The following OPCML variants were observed in gnomAD, a reference collection of about 807,000 sequenced individuals.
OPCML encodes the protein opioid binding protein/cell adhesion molecule like.
Under a neutral mutation model 37.8 loss-of-function variants are expected in OPCML, and 13 were observed. That is an observed-to-expected ratio of 0.34 (90% CI 0.22 to 0.55). OPCML has a LOEUF of 0.55. Among genes scored for constraint, OPCML ranks in the 20% least tolerant of loss-of-function variants. OPCML has a pLI of 0.91. For synonymous variants in OPCML, 176 were observed against 168.8 expected, an observed-to-expected ratio of 1.04 and a Z score of -0.33; for missense variants, 341 against 435.6, an observed-to-expected ratio of 0.78 and a Z score of 1.93.
chr11:132,515,424 T>C (rs2096277538), intron 4 of OPCML, among the ~76,000 whole-genome samples: 1 of 152,126 alleles, frequency 6.6e-6, no homozygotes, highest in South Asian at 2.1e-4. Context: ...ATACTTTAGG[T>C]GTTCTGTGGG....
chr11:132,972,459 C>T (rs1946366325), intron 1 of OPCML, among the ~76,000 whole-genome samples: 1 of 152,186 alleles, frequency 6.6e-6, no homozygotes, highest in African/African-American at 2.4e-5. Context: ...ATATTCATTG[C>T]TGAGTGAATA....
Position 132,758,058 on chromosome 11 carries a change from C to A in OPCML, c.147-100739G>T, listed in dbSNP as rs1946120466. Among the ~76,000 whole-genome samples the A allele has an allele frequency of 2.6e-5, 4 of 152,286 alleles. No individual in the cohort carries two copies. In the South Asian group the frequency reaches 6.2e-4, roughly 24 times the overall value. On this transcript the variant is annotated intron_variant, in intron 2 of 7. Transcript: ENST00000524381. The stretch of plus-strand genomic sequence containing the variant: ...CAACACCATTTATTAAATAGGGAAT[C>A]CTTTCCCCATTGCTTGTTTTTGTCA...
intron 1 of OPCML, among the ~76,000 whole-genome samples, chr11:133,010,656 G>C (rs977782573): frequency 6.6e-6 from 1 of 152,060 alleles, no homozygotes; most frequent in South Asian, 2.1e-4. Context: ...TCAATGTGTT[G>C]AATAAAGATA....
intron 2 of OPCML, among the ~76,000 whole-genome samples, chr11:132,936,401 T>C (rs1945375445): frequency 6.6e-6 from 1 of 152,176 alleles, no homozygotes; most frequent in East Asian, 1.9e-4. Flanking sequence ...CCTGGACCCG[T>C]AGGCTGTTAA....
At chr11:132,603,161 A>G (rs761791811) in intron 3 of OPCML, among the ~76,000 whole-genome samples, 12 of 151,996 alleles carry the variant, frequency 7.9e-5, no homozygotes, top group Admixed American at 7.2e-4. Context: ...TTCTTCCTAA[A>G]TCTGTATGTC....
intron 2 of OPCML, among the ~76,000 whole-genome samples, chr11:132,933,447 A>G (rs1945274265): frequency 6.6e-6 from 1 of 152,238 alleles, no homozygotes; most frequent in African/African-American, 2.4e-5. Context: ...CAAGTGAAAC[A>G]GCAACTATTT....
intron 1 of OPCML, among the ~76,000 whole-genome samples, chr11:133,011,440 T>C (rs73031597): frequency 0.042 from 6,326 of 151,782 alleles, 203 homozygotes; most frequent in Non-Finnish European, 0.067. Context: ...ATGTATTGCA[T>C]AGATAATTGG....
intron 1 of OPCML, among the ~76,000 whole-genome samples, chr11:132,966,138 A>C (rs1280105866): frequency 2.0e-5 from 3 of 150,912 alleles, no homozygotes; most frequent in Admixed American, 2.0e-4. Flanking sequence ...TTGATTTGAA[A>C]ATTTTTCTCT....
chr11:132,612,256 A>T (rs547379109), intron 3 of OPCML, among the ~76,000 whole-genome samples: 1 of 152,330 alleles, frequency 6.6e-6, no homozygotes, highest in East Asian at 1.9e-4. Context: ...GGAACGAAAC[A>T]GCTCTGGAAG....
chr11:132,612,373 C>T (rs1189171647), intron 3 of OPCML, among the ~76,000 whole-genome samples: 1 of 152,066 alleles, frequency 6.6e-6, no homozygotes, highest in Non-Finnish European at 1.5e-5. Flanking sequence ...AAAATTAATA[C>T]AGCTTTCCAT....
At chr11:132,710,241 G>A (rs923393112) in intron 2 of OPCML, among the ~76,000 whole-genome samples, 3 of 152,028 alleles carry the variant, frequency 2.0e-5, no homozygotes, top group Admixed American at 2.0e-4. Context: ...TGTCTATTAG[G>A]AAGAATTCAG....
At chr11:132,580,864 C>T in intron 3 of OPCML, among the ~76,000 whole-genome samples, 1 of 152,234 alleles carries the variant, frequency 6.6e-6, no homozygotes, top group East Asian at 1.9e-4. Flanking sequence ...TCCATAGGGG[C>T]CTTTCCATCC....
intron 1 of OPCML, among the ~76,000 whole-genome samples, chr11:132,998,358 C>CT (rs1265712627): frequency 2.0e-5 from 3 of 152,166 alleles, no homozygotes; most frequent in Non-Finnish European, 4.4e-5. Context: ...TGTCTTCTCA[C>CT]TTGGGGGGAG....
At chr11:132,491,900 T>C (rs2096217057) in intron 4 of OPCML, among the ~76,000 whole-genome samples, 1 of 150,810 alleles carries the variant, frequency 6.6e-6, no homozygotes, top group South Asian at 2.1e-4. Context: ...GGAGATATTG[T>C]AGGTGGGGTT....
At chr11:132,941,925 G>A (rs1591831597) in intron 2 of OPCML, among the ~76,000 whole-genome samples, 1 of 152,180 alleles carries the variant, frequency 6.6e-6, no homozygotes, top group Non-Finnish European at 1.5e-5. Flanking sequence ...AACCCCCACC[G>A]TCACACTGTC....
At chr11:132,721,960 T>TTTTTC (rs996283576) in intron 2 of OPCML, among the ~76,000 whole-genome samples, 13 of 137,772 alleles carry the variant, frequency 9.4e-5, no homozygotes, top group African/African-American at 3.5e-4. Flanking sequence ...CTTTTTTTTT[T>TTTTTC]TTTTTTTTTT....
chr11:133,492,316 G>C (rs1386946380), intron 1 of OPCML, among the ~76,000 whole-genome samples: 2 of 152,186 alleles, frequency 1.3e-5, no homozygotes, highest in Admixed American at 1.3e-4. Flanking sequence ...CTGAATGCTG[G>C]CCTCATATGG....
At chr11:133,261,558 C>T (rs1287524294) in intron 1 of OPCML, among the ~76,000 whole-genome samples, 1 of 152,184 alleles carries the variant, frequency 6.6e-6, no homozygotes, top group East Asian at 1.9e-4. Context: ...GGTCTGCATC[C>T]GTCTCTACCT....
At chr11:133,328,398 T>C (rs1943531806) in intron 1 of OPCML, among the ~76,000 whole-genome samples, 1 of 152,112 alleles carries the variant, frequency 6.6e-6, no homozygotes, top group East Asian at 1.9e-4. Context: ...CCTCAGGTGA[T>C]CCACCTGCCT....
Sources: allele counts gnomAD v4.1 joint callset (sites outside exome capture counted in the v4.1 genomes callset), GRCh38; gene constraint gnomAD v4.1.1; transcripts MANE v1.5; gene names NCBI Gene and HGNC (gene_info 2026-07-23, HGNC 2026-07-21).